The following SLC24A2 variants were observed in gnomAD, a reference collection of about 807,000 sequenced individuals.
SLC24A2 encodes the protein sodium/potassium/calcium exchanger 2.
A neutral mutation model predicts 62.0 loss-of-function variants in SLC24A2; 36 were observed. The observed-to-expected ratio is 0.58, with a 90% confidence interval of 0.44 to 0.77. SLC24A2 has a LOEUF of 0.77. Ranked by LOEUF, SLC24A2 falls within the 30% of genes least tolerant of loss-of-function variation. SLC24A2 has a pLI of 0.00. For missense variants in SLC24A2, 846 were observed against 817.9 expected (o/e 1.03, Z -0.42); for synonymous variants, 358 against 294.0 (o/e 1.22, Z -2.23).
chr9:20,250,617 C>T, the SLC24A2 span, among the ~76,000 whole-genome samples: 2 of 152,268 alleles, frequency 1.3e-5, no homozygotes, highest in Middle Eastern at 3.4e-3. Flanking sequence ...ATGCACGCCT[C>T]ATGTGAGTGT....
chr9:19,802,562 AT>A, the SLC24A2 span, among the ~76,000 whole-genome samples: 1 of 152,222 alleles, frequency 6.6e-6, no homozygotes, highest in Non-Finnish European at 1.5e-5. Flanking sequence ...ATGCTTAAAT[AT>A]TTTATCTGAT....
At chr9:19,635,674 A>C (rs576892873) in intron 2 of SLC24A2, among the ~76,000 whole-genome samples, 9 of 152,368 alleles carry the variant, frequency 5.9e-5, no homozygotes, top group African/African-American at 2.2e-4. Flanking sequence ...TCTTACAATA[A>C]AAAATTTCAA....
chr9:20,115,514 A>C, the SLC24A2 span, among the ~76,000 whole-genome samples: 2 of 152,146 alleles, frequency 1.3e-5, no homozygotes, highest in Admixed American at 1.3e-4. Context: ...AGCAAGCCAA[A>C]TCATCACACT....
chr9:20,068,583 C>G, the SLC24A2 span, among the ~76,000 whole-genome samples: 1 of 152,082 alleles, frequency 6.6e-6, no homozygotes, highest in South Asian at 2.1e-4. Context: ...AGCTAAGTCT[C>G]TCAATAAATG....
the SLC24A2 span, among the ~76,000 whole-genome samples, chr9:20,056,580 C>G: frequency 6.6e-6 from 1 of 152,192 alleles, no homozygotes; most frequent in Non-Finnish European, 1.5e-5. Context: ...TTTAGCTCCT[C>G]AGTATCAAAA....
chr9:19,547,063 C>A (rs1019503926), intron 8 of SLC24A2, among the ~76,000 whole-genome samples: 2 of 152,168 alleles, frequency 1.3e-5, no homozygotes, highest in African/African-American at 4.8e-5. Flanking sequence ...TGGAGCTGTT[C>A]CTATTTGGCC....
the SLC24A2 span, among the ~76,000 whole-genome samples, chr9:20,150,314 A>G: frequency 6.6e-6 from 1 of 152,114 alleles, no homozygotes; most frequent in East Asian, 1.9e-4. Flanking sequence ...TTATTCTTAT[A>G]TCAGCAAGAG....
Position 19,704,798 on chromosome 9 carries a change from C to CTT in SLC24A2, c.930+81137_930+81138dup, listed in dbSNP as rs35780199. Among the ~76,000 whole-genome samples, 18 of 135,732 alleles carry CTT rather than the reference C, an allele frequency of 1.3e-4. No homozygotes were observed. The East Asian group carries it at 1.8e-3, about 13-fold the overall frequency. The allele number at this position is 135,732 out of a possible 152,430, so 89.0% of individuals were successfully genotyped here. ...CTTGGAATTTATTTTAAAAACCAAA[C>CTT]TTTTTTTTTTTTTTTTTTTAAGTAA... is the stretch of plus-strand genomic sequence containing the variant. On this transcript the variant is annotated intron_variant, in intron 2 of 10. Transcript: ENST00000341998.
the SLC24A2 span, among the ~76,000 whole-genome samples, chr9:20,291,651 G>A: frequency 1.3e-5 from 2 of 152,270 alleles, no homozygotes; most frequent in South Asian, 4.1e-4. Context: ...GGCCTCCACT[G>A]TGCCATCACC....
chr9:19,983,567 C>G, the SLC24A2 span, among the ~76,000 whole-genome samples: 511 of 152,228 alleles, frequency 3.4e-3, 1 homozygote, highest in Non-Finnish European at 6.0e-3. Context: ...TGCTTGTACC[C>G]AGGACGTGGA....
At position 19,528,133 on chromosome 9, in the gene SLC24A2, C is replaced by T. The variant is rs141062533; in HGVS notation, c.1485G>A (p.Ser495=). The T allele has an allele frequency of 5.8e-5, 91 of 1,576,138 alleles. 1 individual carries two copies. The East Asian group carries it at 1.1e-3, about 18-fold the overall frequency. ...ITLPDVRKPS[S]RKFFPITFFG... ...AGAACGTGATGGGAAAAAACTTCCT[C>T]GATGACTGAAAGACAACCAGGAAGA... Residue 495 remains serine (S), a synonymous_variant, in exon 9 of 11, where the codon TCG becomes TCA. Transcript: ENST00000341998.
At chr9:20,274,842 G>C in the SLC24A2 span, among the ~76,000 whole-genome samples, 2 of 152,028 alleles carry the variant, frequency 1.3e-5, no homozygotes, top group Non-Finnish European at 2.9e-5. Flanking sequence ...TGTGGGATGA[G>C]CATGCCACGG....
chr9:19,807,468 TAGAA>T, the SLC24A2 span, among the ~76,000 whole-genome samples: 5 of 152,302 alleles, frequency 3.3e-5, no homozygotes, highest in East Asian at 1.9e-4. Flanking sequence ...TGGATTCTAT[TAGAA>T]AGAACAAATG....
chr9:19,530,531 G>A lies in SLC24A2; in HGVS notation c.1480-2393C>T, dbSNP rs568347024. On this transcript the variant is annotated intron_variant, in intron 8 of 10. Transcript: ENST00000341998. ...TTTATTCTTTGAGATAACTTCACAA[G>A]TCAGAATCAAATCATTTGAACATAT... Among the ~76,000 whole-genome samples, 33 of 152,308 alleles carry A rather than the reference G, an allele frequency of 2.2e-4. 1 individual carries two copies. The South Asian group carries it at 6.8e-3, about 32-fold the overall frequency.
chr9:20,086,862 A>G, the SLC24A2 span, among the ~76,000 whole-genome samples: 2 of 152,224 alleles, frequency 1.3e-5, no homozygotes, highest in African/African-American at 4.8e-5. Flanking sequence ...TGTTGCAGTT[A>G]TATGCATGAG....
At chr9:20,125,487 T>G in the SLC24A2 span, among the ~76,000 whole-genome samples, 1 of 152,330 alleles carries the variant, frequency 6.6e-6, no homozygotes, top group South Asian at 2.1e-4. Flanking sequence ...GATTTAAAAC[T>G]TCCTATACAT....
the SLC24A2 span, among the ~76,000 whole-genome samples, chr9:20,194,820 T>C: frequency 4.0e-5 from 6 of 151,890 alleles, no homozygotes; most frequent in African/African-American, 1.2e-4. Flanking sequence ...AACAGCACCA[T>C]TGACATTTTA....
chr9:20,162,898 G>C, the SLC24A2 span, among the ~76,000 whole-genome samples: 1 of 152,076 alleles, frequency 6.6e-6, no homozygotes, highest in South Asian at 2.1e-4. Context: ...TATCTCAATA[G>C]ATGCAGAAAA....
chr9:20,130,613 G>C, the SLC24A2 span, among the ~76,000 whole-genome samples: 1 of 152,070 alleles, frequency 6.6e-6, no homozygotes, highest in African/African-American at 2.4e-5. Context: ...AATAGGAAAT[G>C]GGAAATGAAT....
Sources: allele counts gnomAD v4.1 joint callset (sites outside exome capture counted in the v4.1 genomes callset), GRCh38; gene constraint gnomAD v4.1.1; transcripts MANE v1.5; gene names NCBI Gene and HGNC (gene_info 2026-07-23, HGNC 2026-07-21).